Variants in PPFIA2 observed in about 807,000 individuals in gnomAD.
PPFIA2 encodes the protein PPFI scaffold protein A2.
In PPFIA2, 46 loss-of-function variants were observed where a neutral mutation model predicts 175.5. The observed-to-expected ratio is 0.26, with a 90% CI of 0.21 to 0.34. The LOEUF is 0.34. Among genes scored for constraint, PPFIA2 ranks in the 10% least tolerant of loss-of-function variants. PPFIA2 has a pLI of 1.00. For missense variants in PPFIA2, 1,179 were observed against 1,506.1 expected (o/e 0.78, Z 3.60); for synonymous variants, 568 against 511.4 (o/e 1.11, Z -1.49).
chr12:81,422,837 A>G (rs1239498046), intron 7 of PPFIA2, among the ~76,000 whole-genome samples: 2 of 152,116 alleles, frequency 1.3e-5, no homozygotes, highest in Non-Finnish European at 2.9e-5. Context: ...CACTGGGATT[A>G]AGTTTCAAAC....
chr12:81,675,897 G>T (rs953613914), intron 4 of PPFIA2, among the ~76,000 whole-genome samples: 7 of 151,960 alleles, frequency 4.6e-5, no homozygotes, highest in Non-Finnish European at 8.8e-5. Flanking sequence ...ACATTTTTTA[G>T]CCATACTTTA....
rs972091009 is a variant in PPFIA2, at chr12:81,459,553, T to A, written c.304-1687A>T. ...TTATGAATGAATTTTGGTTTTTGGCTTCCACCCAAGTATTTCTATCATCAA... is the reference window on the plus strand; with the variant it reads ...TTATGAATGAATTTTGGTTTTTGGCATCCACCCAAGTATTTCTATCATCAA... On this transcript the variant is annotated intron_variant, in intron 4 of 32. Coordinates refer to ENST00000549396, the MANE Select transcript of PPFIA2 (RefSeq NM_003625.5). Among the ~76,000 whole-genome samples, 8 of 152,264 alleles carry A rather than the reference T, an allele frequency of 5.3e-5. No individual in the cohort carries two copies. In the East Asian group the frequency reaches 1.3e-3, roughly 26 times the overall value.
chr12:81,367,616 A>T lies in PPFIA2; in HGVS notation c.1483-446T>A, dbSNP rs1200167402. ...TTTTTTAAAATTTCACTTTCTGGACATCTACTGCAATGTGGAATTAACAAT... is the reference window on the plus strand; with the variant it reads ...TTTTTTAAAATTTCACTTTCTGGACTTCTACTGCAATGTGGAATTAACAAT... On this transcript the variant is annotated intron_variant, in intron 13 of 32. Coordinates refer to ENST00000549396, the MANE Select transcript of PPFIA2 (RefSeq NM_003625.5). 4.6e-5 allele frequency among the ~76,000 whole-genome samples: 7 copies of T among 151,654 alleles called. No homozygotes were observed. The Admixed American group carries it at 4.6e-4, about 10-fold the overall frequency.
At chr12:81,492,464 T>C (rs1486807567) in intron 4 of PPFIA2, among the ~76,000 whole-genome samples, 2 of 151,774 alleles carry the variant, frequency 1.3e-5, no homozygotes, top group Non-Finnish European at 2.9e-5. Flanking sequence ...TGTTACATGG[T>C]GGTAGGTGCT....
intron 11 of PPFIA2, among the ~76,000 whole-genome samples, chr12:81,373,858 T>C (rs1029598649): frequency 6.6e-6 from 1 of 152,024 alleles, no homozygotes; most frequent in African/African-American, 2.4e-5. Flanking sequence ...ATATTAATGA[T>C]TGTATAAAAA....
intron 4 of PPFIA2, among the ~76,000 whole-genome samples, chr12:81,497,429 T>C (rs765463744): frequency 6.6e-6 from 1 of 151,986 alleles, no homozygotes; most frequent in Admixed American, 6.6e-5. Context: ...ACTTTTGGTA[T>C]ATGAGTTAAC....
At chr12:81,329,651 T>C (rs1210925359) in intron 21 of PPFIA2, among the ~76,000 whole-genome samples, 1 of 152,076 alleles carries the variant, frequency 6.6e-6, no homozygotes, top group African/African-American at 2.4e-5. Flanking sequence ...TCAGGATGAC[T>C]CCATAGATGC....
chr12:81,454,710 G>A (rs2053266936), intron 5 of PPFIA2, among the ~76,000 whole-genome samples: 2 of 152,026 alleles, frequency 1.3e-5, no homozygotes, highest in Admixed American at 1.3e-4. Flanking sequence ...TGGTTTCATG[G>A]ACTGGCTTTT....
At chr12:81,677,510 T>C (rs2072765288) in intron 3 of PPFIA2, among the ~76,000 whole-genome samples, 1 of 151,920 alleles carries the variant, frequency 6.6e-6, no homozygotes, top group Non-Finnish European at 1.5e-5. Context: ...CAACTAGCCT[T>C]CCCAGTCTGT....
At chr12:81,341,275 A>G in intron 19 of PPFIA2, 67 bp from the exon 20 acceptor site, 1 of 1,486,532 alleles carries the variant, frequency 6.7e-7, no homozygotes, top group Non-Finnish European at 9.2e-7. Flanking sequence ...ACACAAATGG[A>G]GAATCATGAG....
intron 4 of PPFIA2, among the ~76,000 whole-genome samples, chr12:81,636,786 G>A (rs948463794): frequency 6.6e-6 from 1 of 151,952 alleles, no homozygotes; most frequent in Non-Finnish European, 1.5e-5. Flanking sequence ...CTGAGTAGCT[G>A]GGATTACAGG....
chr12:81,517,719 C>A (rs929439825), intron 4 of PPFIA2, among the ~76,000 whole-genome samples: 7 of 152,086 alleles, frequency 4.6e-5, no homozygotes, highest in African/African-American at 1.7e-4. Context: ...TGTTGAGCAC[C>A]AAGCCACTAT....
chr12:81,752,790 C>G (rs1317308088), intron 3 of PPFIA2, among the ~76,000 whole-genome samples: 1 of 152,124 alleles, frequency 6.6e-6, no homozygotes, highest in Non-Finnish European at 1.5e-5. Context: ...GAATTCAACT[C>G]TTTAACATTT....
At chr12:81,474,547 C>T (rs1173388864) in intron 4 of PPFIA2, among the ~76,000 whole-genome samples, 1 of 152,148 alleles carries the variant, frequency 6.6e-6, no homozygotes, top group Non-Finnish European at 1.5e-5. Flanking sequence ...CTGTGCCAGC[C>T]TCCCAAAGTG....
chr12:81,449,845 T>A (rs2052134436), intron 5 of PPFIA2, among the ~76,000 whole-genome samples: 1 of 139,766 alleles, frequency 7.2e-6, no homozygotes, highest in South Asian at 2.4e-4. Context: ...TGTGTCCAAA[T>A]GTTCTCATTG....
At chr12:81,263,606 A>C (rs2036320550) in intron 30 of PPFIA2, among the ~76,000 whole-genome samples, 1 of 152,236 alleles carries the variant, frequency 6.6e-6, no homozygotes, top group African/African-American at 2.4e-5. Context: ...CTTTTCATAC[A>C]ATTTCAAATT....
At chr12:81,721,542 C>G (rs2153629806) in intron 3 of PPFIA2, among the ~76,000 whole-genome samples, 1 of 151,322 alleles carries the variant, frequency 6.6e-6, no homozygotes, top group South Asian at 2.1e-4. Flanking sequence ...GATTAGCTAT[C>G]TGCTATTAAG....
At chr12:81,339,530 T>C (rs1020581445) in intron 20 of PPFIA2, among the ~76,000 whole-genome samples, 196 bp from the exon 21 acceptor site, 1 of 152,020 alleles carries the variant, frequency 6.6e-6, no homozygotes, top group African/African-American at 2.4e-5. Flanking sequence ...CAAATTTCCA[T>C]AAGATAAATT....
intron 16 of PPFIA2, 28 bp from the exon 17 acceptor site, chr12:81,353,367 T>C: frequency 1.4e-6 from 2 of 1,449,998 alleles, no homozygotes; most frequent in East Asian, 4.6e-5. Context: ...AAATGCAGAA[T>C]ATTTATCATA....
Sources: allele counts gnomAD v4.1 joint callset (sites outside exome capture counted in the v4.1 genomes callset), GRCh38; gene constraint gnomAD v4.1.1; transcripts MANE v1.5; gene names NCBI Gene and HGNC (gene_info 2026-07-23, HGNC 2026-07-21).